DHRSX: variants seen among roughly 807,000 people sequenced by gnomAD.
DHRSX encodes the protein dehydrogenase/reductase X-linked, also known as polyprenol dehydrogenase.
Under a neutral mutation model 34.0 loss-of-function variants are expected in DHRSX, and 31 were observed. The ratio of observed to expected loss-of-function variants is 0.91; its 90% CI spans 0.69 to 1.23. The LOEUF (loss-of-function observed/expected upper bound fraction) is 1.23, where lower values mean the gene tolerates loss of function less well. DHRSX is among the 50% of genes most tolerant of loss of function. The pLI, the probability that DHRSX is intolerant of heterozygous loss-of-function variation, is 0.00. For synonymous variants in DHRSX, 201 were observed against 183.8 expected, an observed-to-expected ratio of 1.09 and a Z score of -0.76; for missense variants, 414 against 428.1, an observed-to-expected ratio of 0.97 and a Z score of 0.29.
chrX:2,458,085 C>T (rs1569503397), intron 1 of DHRSX, among the ~76,000 whole-genome samples: 1 of 152,060 alleles, frequency 6.6e-6, no homozygotes, highest in Admixed American at 6.6e-5. Flanking sequence ...GGGACTGCCA[C>T]CGTGTACACA....
chrX:2,246,383 G>A (rs1006746548), intron 5 of DHRSX, among the ~76,000 whole-genome samples: 2 of 152,090 alleles, frequency 1.3e-5, no homozygotes, highest in African/African-American at 4.8e-5. Context: ...CAGCGCTTTG[G>A]GAGGCTGAGG....
chrX:2,229,973 G>A (rs2015834053), intron 6 of DHRSX, among the ~76,000 whole-genome samples: 1 of 152,200 alleles, frequency 6.6e-6, no homozygotes, highest in South Asian at 2.1e-4. Flanking sequence ...ATATACATTT[G>A]CATAAATGTG....
intron 3 of DHRSX, among the ~76,000 whole-genome samples, chrX:2,387,875 T>C (rs2043289623): frequency 2.1e-5 from 1 of 48,392 alleles, no homozygotes; most frequent in Non-Finnish European, 4.3e-5. Context: ...AAAAAAAAAT[T>C]CCCTACTCTG....
chrX:2,327,904 C>T (rs1304983202), intron 3 of DHRSX, among the ~76,000 whole-genome samples: 15 of 151,920 alleles, frequency 9.9e-5, no homozygotes, highest in South Asian at 2.1e-4. Context: ...CACGGTGAAA[C>T]TCCATCTCTA....
chrX:2,454,565 C>T lies in DHRSX; in HGVS notation c.110-29261G>A, dbSNP rs189038902. Among the ~76,000 whole-genome samples, 80 of 150,988 alleles carry T rather than the reference C, an allele frequency of 5.3e-4. 2 individuals carry two copies. The highest frequency in any genetic ancestry group is 4.7e-3 in the Admixed American group (72 of 15,162). On this transcript the variant is annotated intron_variant, in intron 1 of 6. Transcript: ENST00000334651. The stretch of plus-strand genomic sequence containing the variant: ...AGACATATTCATGTTGAGATTTCTA[C>T]ACTGTGAAAAAAGATCTCCAATAGT...
At chrX:2,485,781 A>AAAGAAAG (rs2044894075) in intron 1 of DHRSX, among the ~76,000 whole-genome samples, 11 of 11,714 alleles carry the variant, frequency 9.4e-4, no homozygotes, top group Non-Finnish European at 1.4e-3. Context: ...GGAAGGGAGA[A>AAAGAAAG]AAGGGAGAGA....
intron 5 of DHRSX, among the ~76,000 whole-genome samples, chrX:2,245,147 T>C (rs1222926023): frequency 6.6e-6 from 1 of 152,166 alleles, no homozygotes; most frequent in Non-Finnish European, 1.5e-5. Flanking sequence ...CCTCCCACTC[T>C]GTTCAAAGTC....
At chrX:2,393,136 T>C (rs896161945) in intron 3 of DHRSX, among the ~76,000 whole-genome samples, 2 of 148,038 alleles carry the variant, frequency 1.4e-5, no homozygotes, top group African/African-American at 4.9e-5. Flanking sequence ...ATTTAATGTA[T>C]ATGCTTTATA....
At chrX:2,477,415 T>G (rs1419990109) in intron 1 of DHRSX, among the ~76,000 whole-genome samples, 5 of 152,024 alleles carry the variant, frequency 3.3e-5, no homozygotes, top group African/African-American at 4.8e-5. Context: ...AGGGACAACA[T>G]GTGGGATGCA....
chrX:2,339,018 G>A (rs142311854), intron 3 of DHRSX, among the ~76,000 whole-genome samples: 7 of 152,072 alleles, frequency 4.6e-5, no homozygotes, highest in East Asian at 1.9e-4. Context: ...TTTCCGCAAC[G>A]AGATGTGATG....
chrX:2,230,351 T>A (rs2015847556), intron 6 of DHRSX, among the ~76,000 whole-genome samples: 2 of 152,172 alleles, frequency 1.3e-5, no homozygotes, highest in African/African-American at 4.8e-5. Context: ...CAGAGAGGAT[T>A]AAGAAAACCT....
At chrX:2,471,975 G>A (rs1321729407) in intron 1 of DHRSX, among the ~76,000 whole-genome samples, 5 of 151,540 alleles carry the variant, frequency 3.3e-5, no homozygotes, top group Admixed American at 2.0e-4. Flanking sequence ...GAGAAACCCC[G>A]TCTCTACTAA....
chrX:2,378,581 A>C (rs966899183), intron 3 of DHRSX, among the ~76,000 whole-genome samples: 7 of 152,160 alleles, frequency 4.6e-5, no homozygotes, highest in Non-Finnish European at 8.8e-5. Context: ...CTTTATTGTA[A>C]GAATATAATA....
At chrX:2,274,675 C>G (rs2041601232) in intron 4 of DHRSX, among the ~76,000 whole-genome samples, 1 of 150,892 alleles carries the variant, frequency 6.6e-6, no homozygotes, top group South Asian at 2.1e-4. Flanking sequence ...AAGTGATCTG[C>G]CCGCCTCAGC....
chrX:2,425,445 A>G, intron 1 of DHRSX, 141 bp from the exon 2 acceptor site: 1 of 746,808 alleles, frequency 1.3e-6, no homozygotes. Context: ...TTGAATTCCC[A>G]CAGGCTCAGG....
At chrX:2,268,513 A>G (rs944100129) in intron 4 of DHRSX, among the ~76,000 whole-genome samples, 5 of 152,252 alleles carry the variant, frequency 3.3e-5, no homozygotes, top group African/African-American at 1.2e-4. Flanking sequence ...TGTATGCATA[A>G]TTCAAAGATA....
intron 2 of DHRSX, among the ~76,000 whole-genome samples, chrX:2,422,422 C>T (rs1226736948): frequency 6.6e-6 from 1 of 151,836 alleles, no homozygotes; most frequent in Non-Finnish European, 1.5e-5. Context: ...GCCACCATGC[C>T]GAGCTACTTT....
intron 1 of DHRSX, chrX:2,488,889 C>T (rs749153461): frequency 5.0e-5 from 81 of 1,610,202 alleles, no homozygotes; most frequent in East Asian, 6.7e-5. Flanking sequence ...GTGGCCGTCA[C>T]GCACCAGTAC....
chrX:2,336,983 T>C (rs1332453847), intron 3 of DHRSX, among the ~76,000 whole-genome samples: 1 of 152,152 alleles, frequency 6.6e-6, no homozygotes, highest in Non-Finnish European at 1.5e-5. Flanking sequence ...AAGCCCTGCT[T>C]GCATTAGAAA....
Sources: allele counts gnomAD v4.1 joint callset (sites outside exome capture counted in the v4.1 genomes callset), GRCh38; gene constraint gnomAD v4.1.1; transcripts MANE v1.5; gene names NCBI Gene and HGNC (gene_info 2026-07-23, HGNC 2026-07-21).